The following TOPAZ1 variants were observed in gnomAD, a reference collection of about 807,000 sequenced individuals.
TOPAZ1 encodes the protein protein TOPAZ1.
A neutral mutation model predicts 172.2 loss-of-function variants in TOPAZ1; 66 were observed. The observed-to-expected ratio is 0.38, with a 90% confidence interval of 0.31 to 0.47. TOPAZ1 has a LOEUF of 0.47. Among genes scored for constraint, TOPAZ1 ranks in the 20% least tolerant of loss-of-function variants. The pLI, the probability that TOPAZ1 is intolerant of heterozygous loss-of-function variation, is 0.99. For missense variants in TOPAZ1, 1,822 were observed against 1,972.4 expected (o/e 0.92, Z 1.44); for synonymous variants, 681 against 683.9 (o/e 1.00, Z 0.07).
intron 12 of TOPAZ1, among the ~76,000 whole-genome samples, chr3:44,301,170 C>G (rs1700268421): frequency 6.6e-6 from 1 of 152,026 alleles, no homozygotes; most frequent in South Asian, 2.1e-4. Context: ...TGAGAAAGTT[C>G]CTTTGTAGAA....
chr3:44,244,356 A>T lies in TOPAZ1; in HGVS notation c.1850A>T (p.Gln617Leu), dbSNP rs1320384186. The change falls in exon 2 of 20, where the codon CAA (glutamine) becomes CTA (leucine). Residue 617 changes from glutamine to leucine, a missense_variant. By Grantham distance (113) the Gln-to-Leu change is moderately radical. This residue lies in a region of TOPAZ1 where 1,489 missense variants were observed against 1,490.8 expected (regional missense o/e 1.00). Transcript: ENST00000309765. Reference protein sequence around the residue: ...EVISNTTEDTQLTSETQSLTG... With the variant: ...EVISNTTEDTLLTSETQSLTG... ...ATTTCTAACACTACTGAAGATACTC[A>T]ATTAACCAGTGAGACTCAAAGCTTA... The T allele has an allele frequency of 6.4e-7, 1 of 1,550,916 alleles. No homozygotes were observed.
At chr3:44,265,745 C>T (rs1025702004) in intron 5 of TOPAZ1, among the ~76,000 whole-genome samples, 1 of 152,084 alleles carries the variant, frequency 6.6e-6, no homozygotes, top group Non-Finnish European at 1.5e-5. Flanking sequence ...GTCTTGCAGG[C>T]TTTGATGTTT....
chr3:44,301,971 G>A (rs992312229), intron 12 of TOPAZ1, among the ~76,000 whole-genome samples: 4 of 152,022 alleles, frequency 2.6e-5, no homozygotes, highest in African/African-American at 7.3e-5. Flanking sequence ...AAACTGGCAC[G>A]TTTTCTTTTA....
chr3:44,318,494 T>C (rs981271617), intron 16 of TOPAZ1, among the ~76,000 whole-genome samples: 10 of 3,040 alleles, frequency 3.3e-3, no homozygotes, highest in African/African-American at 0.015. Context: ...CGGTGGGGGG[T>C]GGGGGAGTGG....
In TOPAZ1 at chr3:44,254,879, G is replaced by A. The variant is rs78054973; in HGVS notation, c.2766-89G>A. 1,125 of 947,026 alleles carry A rather than the reference G, an allele frequency of 1.2e-3. 9 individuals are homozygous for A. The African/African-American group carries it at 0.017, about 14-fold the overall frequency. The allele number at this position is 947,026 out of a possible 1,614,324, so 58.7% of individuals were successfully genotyped here. A position where few individuals can be genotyped will look rare whatever the true frequency, so the allele number is the denominator to read the frequency against. On this transcript the variant is annotated intron_variant, in intron 2 of 19. Coordinates refer to ENST00000309765, the MANE Select transcript of TOPAZ1 (RefSeq NM_001145030.2). ...GGACTTGAGCTGATGTTCACCAGCA[G>A]CTAAAGTGACTATTATTAATGTTTA...
chr3:44,331,544 C>G (rs1198690156), intron 19 of TOPAZ1, among the ~76,000 whole-genome samples: 1 of 152,146 alleles, frequency 6.6e-6, no homozygotes, highest in Non-Finnish European at 1.5e-5. Flanking sequence ...TCAGGCTGAT[C>G]TTGAACTCCT....
intron 7 of TOPAZ1, 96 bp from the exon 8 acceptor site, chr3:44,270,589 A>G: frequency 1.3e-6 from 1 of 777,886 alleles, no homozygotes; most frequent in Admixed American, 4.0e-5. Context: ...TACTCTTTGG[A>G]ATATATGTTA....
chr3:44,325,663 A>T (rs1411559276), intron 18 of TOPAZ1, among the ~76,000 whole-genome samples: 2 of 149,398 alleles, frequency 1.3e-5, no homozygotes, highest in Admixed American at 6.7e-5. Flanking sequence ...TTTTTCTTGG[A>T]GACGGAGTCT....
intron 5 of TOPAZ1, among the ~76,000 whole-genome samples, chr3:44,264,934 A>G (rs184173093): frequency 6.6e-6 from 1 of 152,314 alleles, no homozygotes; most frequent in East Asian, 1.9e-4. Flanking sequence ...TTCTACTTCT[A>G]GTTTTCTTGC....
rs1233781140 is a variant in TOPAZ1 at position 44,269,224 on chromosome 3, T to C, written c.3169T>C (p.Phe1057Leu). ...CTCTAAATCATTTCTAGATTTCAGA[T>C]TTCTGGGAAAACATTCTGTCCTAAA... is the stretch of plus-strand genomic sequence containing the variant. ...ILNTWMNDFR[F>L]LGKHSVLKLQ... Residue 1057 changes from phenylalanine to leucine, a missense_variant, in exon 7 of 20, where the codon TTT (phenylalanine) becomes CTT (leucine). Transcript: ENST00000309765. 15 of 1,544,124 alleles carry C rather than the reference T, an allele frequency of 9.7e-6. No homozygotes were observed. Among genetic ancestry groups the C allele is most frequent in the Non-Finnish European group, 1.1e-5 (13 of 1,140,480 alleles).
intron 8 of TOPAZ1, among the ~76,000 whole-genome samples, chr3:44,281,728 A>G (rs1267832418): frequency 6.6e-6 from 1 of 152,208 alleles, no homozygotes; most frequent in Non-Finnish European, 1.5e-5. Flanking sequence ...GTTCTAATAC[A>G]TTGGTCAATG....
In TOPAZ1 at chr3:44,242,381, T is replaced by G. The variant is rs375336529; in HGVS notation, c.328T>G (p.Leu110Val). ...AGCAGCAAAGGAGGCTGAACTCCCC[T>G]TGCAAACGGAAAGACACAGTAAGAA... ...LEAAKEAELP[L>V]QTERHTKEKR... The change falls in exon 1 of 20, where the codon TTG (leucine) becomes GTG (valine). Residue 110 changes from leucine to valine, a missense_variant. Leu to Val is a conservative substitution (Grantham distance 32, BLOSUM62 1). Transcript: ENST00000309765. The G allele has an allele frequency of 7.7e-6, 12 of 1,552,228 alleles. No homozygotes were observed. The African/African-American group carries it at 1.6e-4, about 21-fold the overall frequency.
chr3:44,302,348 T>G (rs866956421), intron 12 of TOPAZ1, among the ~76,000 whole-genome samples: 2 of 152,204 alleles, frequency 1.3e-5, no homozygotes, highest in South Asian at 4.1e-4. Context: ...AGGCGGAGCT[T>G]GCAGTGAGCC....
Position 44,259,765 on chromosome 3 carries a change from C to A in TOPAZ1, c.2956-2654C>A, listed in dbSNP as rs557007494. On this transcript the variant is annotated intron_variant, in intron 4 of 19. Transcript: ENST00000309765. ...TCATTATTAATTTTTTGTCCATCTG[C>A]TTATTTTTATAAATGACTTTATTTT... 1.3e-5 allele frequency among the ~76,000 whole-genome samples: 2 copies of A among 152,252 alleles called. 1 individual carries two copies. The highest frequency in any genetic ancestry group is 1.3e-4 in the Admixed American group (2 of 15,294).
rs1699484710 is a variant in TOPAZ1 at position 44,242,126 on chromosome 3, C to G, written c.73C>G (p.Arg25Gly). ...PEGNVRNLQK[R>G]QAPGPGAAGG... ...AGGCAATGTGCGAAACCTGCAGAAG[C>G]GGCAGGCGCCAGGGCCAGGCGCGGC... Residue 25 changes from arginine (R) to glycine (G), a missense_variant, in exon 1 of 20, where the codon CGG becomes GGG. Arg to Gly is a moderately radical substitution (Grantham distance 125, BLOSUM62 -2). Transcript: ENST00000309765. 1 of 1,548,732 alleles carries G rather than the reference C, an allele frequency of 6.5e-7. No homozygotes were observed. Among genetic ancestry groups the G allele is most frequent in the African/African-American group, 1.4e-5 (1 of 72,984 alleles).
In TOPAZ1 at chr3:44,244,137, C is replaced by T. The variant is rs565623606; in HGVS notation, c.1631C>T (p.Ser544Phe). 126 of 1,551,372 alleles carry T rather than the reference C, an allele frequency of 8.1e-5. No individual in the cohort carries two copies. The highest frequency in any genetic ancestry group is 1.1e-4 in the Non-Finnish European group (121 of 1,146,880). Residue 544 changes from serine to phenylalanine, a missense_variant, in exon 2 of 20, where the codon TCC becomes TTC. Coordinates refer to ENST00000309765, the MANE Select transcript of TOPAZ1 (RefSeq NM_001145030.2). ...HQTNQTHLTD[S>F]KLLLQSSLTE... The stretch of plus-strand genomic sequence containing the variant: ...ACAAACCAGACCCATTTAACTGACT[C>T]CAAATTATTATTACAAAGTTCCTTA...
intron 16 of TOPAZ1, among the ~76,000 whole-genome samples, chr3:44,319,667 G>T (rs1367594494): frequency 1.3e-5 from 2 of 152,126 alleles, no homozygotes; most frequent in Non-Finnish European, 2.9e-5. Context: ...GCAAATTAAT[G>T]AAAGTATCTG....
intron 13 of TOPAZ1, among the ~76,000 whole-genome samples, chr3:44,304,320 C>A (rs1341692284): frequency 2.0e-5 from 3 of 152,076 alleles, no homozygotes; most frequent in Non-Finnish European, 4.4e-5. Context: ...TGTTCAGTTT[C>A]AAAATTATAT....
At chr3:44,273,045 A>G (rs2125687631) in intron 8 of TOPAZ1, among the ~76,000 whole-genome samples, 1 of 152,322 alleles carries the variant, frequency 6.6e-6, no homozygotes, top group African/African-American at 2.4e-5. Context: ...ACTTACCACC[A>G]GATTGTGCCC....
Sources: allele counts gnomAD v4.1 joint callset (sites outside exome capture counted in the v4.1 genomes callset), GRCh38; gene constraint gnomAD v4.1.1; regional missense constraint gnomAD v4.1.1; transcripts MANE v1.5; gene names NCBI Gene and HGNC (gene_info 2026-07-23, HGNC 2026-07-21).